FIGNL2: variants seen among roughly 807,000 people sequenced by gnomAD.
FIGNL2 encodes the protein fidgetin-like protein 2.
For synonymous variants in FIGNL2, 565 were observed against 484.0 expected, an observed-to-expected ratio of 1.17 and a Z score of -2.20; for missense variants, 1,060 against 950.2, an observed-to-expected ratio of 1.12 and a Z score of -1.52.
At chr12:51,829,867 AAG>A (rs777098628) in intron 1 of FIGNL2, among the ~76,000 whole-genome samples, 6 of 152,048 alleles carry the variant, frequency 3.9e-5, no homozygotes, top group South Asian at 2.1e-4. Flanking sequence ...AAAGGAATGA[AAG>A]AGAATGGGAA....
chr12:51,841,434 G>A (rs1592195573), intron 1 of FIGNL2: 4 of 152,366 alleles, frequency 2.6e-5, no homozygotes, highest in African/African-American at 7.2e-5. Context: ...AAGTCACCAA[G>A]CTGGGACAGA....
Position 51,822,124 on chromosome 12 carries a change from T to G in FIGNL2, c.290A>C (p.Glu97Ala). ...GGGTGGCTCCGGCCCTGGCCAGGGC[T>G]CGGGATCCCCTTTGGCGCCGTTGAG... The part of the protein sequence containing the change: ...SFLNGAKGDP[E>A]PWPGPEPPYP... The change falls in exon 2 of 2, where the codon GAG (glutamate) becomes GCG (alanine). Residue 97 changes from glutamate (E) to alanine (A), a missense_variant. Physicochemically the swap from Glu to Ala is moderately radical, Grantham distance 107. Transcript: ENST00000618634. 1 of 1,611,022 alleles carries G rather than the reference T, an allele frequency of 6.2e-7. No individual in the cohort carries two copies. The highest frequency in any genetic ancestry group is 1.1e-5 in the South Asian group (1 of 90,432).
intron 1 of FIGNL2, among the ~76,000 whole-genome samples, chr12:51,833,815 G>A (rs539463996): frequency 6.6e-6 from 1 of 152,334 alleles, no homozygotes; most frequent in East Asian, 1.9e-4. Context: ...CCTATTTGTT[G>A]CTTTATTGTC....
chr12:51,847,435 C>G (rs550030815), intron 1 of FIGNL2: 200 of 985,472 alleles, frequency 2.0e-4, no homozygotes, highest in Non-Finnish European at 2.3e-4. Flanking sequence ...CGCCACAGCC[C>G]GTGCGGACAA....
intron 1 of FIGNL2, among the ~76,000 whole-genome samples, chr12:51,829,036 G>A (rs190315250): frequency 6.6e-6 from 1 of 152,352 alleles, no homozygotes; most frequent in African/African-American, 2.4e-5. Flanking sequence ...GGGGAGGGAA[G>A]GGATTGGACC....
intron 1 of FIGNL2, chr12:51,847,884 A>G: frequency 6.3e-6 from 6 of 954,580 alleles, no homozygotes; most frequent in Non-Finnish European, 7.5e-6. Flanking sequence ...TGTTGCCTGT[A>G]GCCCCAGGGT....
chr12:51,819,701 A>C lies in FIGNL2; in HGVS notation c.*751T>G, dbSNP rs1939124188. 6.6e-6 allele frequency: 1 copy of C among 152,646 alleles called. No homozygotes were observed. The highest frequency in any genetic ancestry group is 2.4e-5 in the African/African-American group (1 of 41,468). 9.5% of individuals were successfully genotyped at this position (152,646 alleles called of 1,614,324 possible). Reference sequence around the variant, plus strand: ...AGAAGACTAAAATATGAAACAAGCTACATTTCTGGGATCTCCCCTCAAAAA... The same window carrying C: ...AGAAGACTAAAATATGAAACAAGCTCCATTTCTGGGATCTCCCCTCAAAAA... On this transcript the variant is annotated 3_prime_UTR_variant, in exon 2 of 2. Coordinates refer to ENST00000618634, the MANE Select transcript of FIGNL2 (RefSeq NM_001384995.1).
At chr12:51,848,355 T>A in intron 1 of FIGNL2, 185 bp downstream of exon 1, 1 of 965,092 alleles carries the variant, frequency 1.0e-6, no homozygotes, top group Non-Finnish European at 1.2e-6. Flanking sequence ...GACCCTCGGC[T>A]CCCACGTACC....
intron 1 of FIGNL2, among the ~76,000 whole-genome samples, chr12:51,832,524 G>A (rs1939492208): frequency 6.6e-6 from 1 of 151,880 alleles, no homozygotes; most frequent in Non-Finnish European, 1.5e-5. Context: ...TGCAAAACCA[G>A]GGACCTGCGC....
intron 1 of FIGNL2, among the ~76,000 whole-genome samples, chr12:51,840,078 C>G (rs993029833): frequency 3.3e-5 from 5 of 152,196 alleles, no homozygotes; most frequent in Non-Finnish European, 5.9e-5. Context: ...AAGTCAGTTC[C>G]CCTCCCTGAG....
intron 1 of FIGNL2, among the ~76,000 whole-genome samples, chr12:51,844,403 C>G (rs1043878067): frequency 6.6e-5 from 10 of 152,180 alleles, no homozygotes; most frequent in Admixed American, 3.9e-4. Flanking sequence ...AAGGAAAAGA[C>G]AGAAGGCACT....
intron 1 of FIGNL2, among the ~76,000 whole-genome samples, chr12:51,828,730 C>T (rs1939394287): frequency 6.6e-6 from 1 of 152,176 alleles, no homozygotes; most frequent in African/African-American, 2.4e-5. Flanking sequence ...CCCAGGCCAC[C>T]CTGGCTTCCT....
intron 1 of FIGNL2, chr12:51,845,740 C>T (rs1399449402): frequency 4.5e-6 from 4 of 896,632 alleles, no homozygotes; most frequent in Admixed American, 6.3e-5. Context: ...GAAGGCAGGG[C>T]TCCTAAGGGT....
At chr12:51,840,861 T>G (rs1333948337) in intron 1 of FIGNL2, among the ~76,000 whole-genome samples, 1 of 152,156 alleles carries the variant, frequency 6.6e-6, no homozygotes, top group Admixed American at 6.5e-5. Context: ...CGTAGCCAGT[T>G]TTAGGATCCA....
In FIGNL2 at chr12:51,828,721, C is replaced by T. The variant is rs539697546; in HGVS notation, c.-11-6297G>A. On this transcript the variant is annotated intron_variant, in intron 1 of 1. Coordinates refer to ENST00000618634, the MANE Select transcript of FIGNL2 (RefSeq NM_001384995.1). ...CCTGATGCAGGCAGTAGGTATCCCC[C>T]CAGGCCACCCTGGCTTCCTGGGGCA... Among the ~76,000 whole-genome samples the T allele has an allele frequency of 3.3e-5, 5 of 152,310 alleles. No individual in the cohort carries two copies. In the South Asian group the frequency reaches 8.3e-4, roughly 25 times the overall value.
intron 1 of FIGNL2, among the ~76,000 whole-genome samples, chr12:51,845,970 A>G (rs303783): frequency 0.89 from 135,218 of 151,768 alleles, 60,324 homozygotes; most frequent in East Asian, 0.97. Context: ...AGAAGGAGGC[A>G]AATAAGGGAA....
intron 1 of FIGNL2, among the ~76,000 whole-genome samples, chr12:51,830,402 A>G (rs1939429007): frequency 6.6e-6 from 1 of 152,196 alleles, no homozygotes; most frequent in Non-Finnish European, 1.5e-5. Context: ...CCATTCCACA[A>G]TGGGTACATA....
rs1284441806 is a variant in FIGNL2, at chr12:51,822,395, G to C, written c.19C>G (p.His7Asp). Residue 7 changes from histidine to aspartate, a missense_variant, in exon 2 of 2, where the codon CAC (histidine) becomes GAC (aspartate). Transcript: ENST00000618634. ...GGCCACTGGTTGAGGGGCTGGGCGT[G>C]TTCTGGTGTCCAGTGCATCTTCAAC... MHWTPE[H>D]AQPLNQWPEQ... 8 of 1,613,626 alleles carry C rather than the reference G, an allele frequency of 5.0e-6. No individual in the cohort carries two copies. Among genetic ancestry groups the C allele is most frequent in the South Asian group, 1.1e-5 (1 of 90,988 alleles).
In FIGNL2 at chr12:51,821,420, C is replaced by G; in HGVS notation, c.994G>C (p.Val332Leu). ...GGGCCGTAGACGGGGGAGCCCAGGA[C>G]CTTGAGGGGGACGCCGCCACCGTAC... ...GKYGGGVPLK[V>L]LGSPVYGPQL... The change falls in exon 2 of 2, where the codon GTC becomes CTC. Residue 332 changes from valine (V) to leucine (L), a missense_variant. By Grantham distance (32) the Val-to-Leu change is conservative. Transcript: ENST00000618634. 1 of 1,538,608 alleles carries G rather than the reference C, an allele frequency of 6.5e-7. No homozygotes were observed. Among genetic ancestry groups the G allele is most frequent in the Non-Finnish European group, 8.7e-7 (1 of 1,145,084 alleles).
Sources: allele counts gnomAD v4.1 joint callset (sites outside exome capture counted in the v4.1 genomes callset), GRCh38; gene constraint gnomAD v4.1.1; transcripts MANE v1.5; gene names NCBI Gene and HGNC (gene_info 2026-07-23, HGNC 2026-07-21).